The following DHX57 variants were observed in gnomAD, a reference collection of about 807,000 sequenced individuals.
DHX57 encodes the protein DExH-box helicase 57.
A neutral mutation model predicts 156.2 loss-of-function variants in DHX57; 105 were observed. That is an observed-to-expected ratio of 0.67 (90% confidence interval 0.57 to 0.79). The LOEUF is 0.79. Among genes scored for constraint, DHX57 ranks in the 30% least tolerant of loss-of-function variants. The pLI is 0.00. For synonymous variants in DHX57, 704 were observed against 595.6 expected (o/e 1.18, Z -2.65); for missense variants, 1,847 against 1,661.9 (o/e 1.11, Z -1.94).
chr2:38,828,445 A>G lies in DHX57; in HGVS notation c.2543-9T>C, dbSNP rs1671217839. Reference sequence around the variant, plus strand: ...AAATACAAGTATAGCACCTGGGTATATAAAAAGAATCAATATGTGGGTAAG... The same window carrying G: ...AAATACAAGTATAGCACCTGGGTATGTAAAAAGAATCAATATGTGGGTAAG... On this transcript the variant is annotated splice_polypyrimidine_tract_variant and intron_variant, in intron 13 of 23. Transcript: ENST00000457308. 1.9e-6 allele frequency: 3 copies of G among 1,595,246 alleles called. No homozygotes were observed. The highest frequency in any genetic ancestry group is 1.8e-5 in the Admixed American group (1 of 57,034).
In DHX57 at chr2:38,849,432, C is replaced by T. The variant is rs139795837; in HGVS notation, c.2031-1030G>A. Among the ~76,000 whole-genome samples the T allele has an allele frequency of 1.5e-3, 226 of 152,112 alleles. 2 individuals carry two copies. In the East Asian group the frequency reaches 0.018, roughly 12 times the overall value. ...TCGAATGTCAGTCTGATTGTGCTGA[C>T]GGGGTGCGGTGGCTCACACTTGTAA... On this transcript the variant is annotated intron_variant, in intron 9 of 23. Transcript: ENST00000457308.
intron 9 of DHX57, 110 bp downstream of exon 9, chr2:38,853,944 A>C: frequency 2.6e-6 from 3 of 1,143,426 alleles, no homozygotes; most frequent in Non-Finnish European, 3.7e-6. Context: ...TCCTTGTGGC[A>C]AATTACCATT....
In DHX57 at chr2:38,819,749, T is replaced by C. The variant is rs150580045; in HGVS notation, c.3292-605A>G. Among the ~76,000 whole-genome samples, 466 of 152,332 alleles carry C rather than the reference T, an allele frequency of 3.1e-3. 3 individuals carry two copies. The highest frequency in any genetic ancestry group is 0.011 in the African/African-American group (438 of 41,584). On this transcript the variant is annotated intron_variant, in intron 17 of 23. Transcript: ENST00000457308. ...ATATCTAAAACCTAACATTCTGTTATCTGGGTTCTTTATTTTACAGATTCT... is the reference window on the plus strand; with the variant it reads ...ATATCTAAAACCTAACATTCTGTTACCTGGGTTCTTTATTTTACAGATTCT...
chr2:38,798,716 C>A (rs971565435), intron 23 of DHX57, among the ~76,000 whole-genome samples: 3 of 149,180 alleles, frequency 2.0e-5, no homozygotes, highest in Admixed American at 1.3e-4. Flanking sequence ...GAGGCCAAGG[C>A]GGGCGGATCA....
rs189304556 is a variant in DHX57, at chr2:38,817,693, A to T, written c.3471+1184T>A. Reference sequence around the variant, plus strand: ...CTGTCTACATTATACAGAAGATAAGACATTTTTTATTTTTATTTTTTGAGG... The same window carrying T: ...CTGTCTACATTATACAGAAGATAAGTCATTTTTTATTTTTATTTTTTGAGG... On this transcript the variant is annotated intron_variant, in intron 19 of 23. Coordinates refer to ENST00000457308, the MANE Select transcript of DHX57 (RefSeq NM_198963.3). 1.9e-3 allele frequency among the ~76,000 whole-genome samples: 282 copies of T among 151,900 alleles called. 1 individual carries two copies. Among genetic ancestry groups the T allele is most frequent in the Non-Finnish European group, 9.6e-4 (65 of 67,968 alleles).
At chr2:38,811,451 G>C (rs557431194) in intron 21 of DHX57, 4 of 625,506 alleles carry the variant, frequency 6.4e-6, no homozygotes, top group Admixed American at 3.9e-5. Context: ...ACTCCTCCAC[G>C]AACTCCTTGC....
chr2:38,825,915 G>T lies in DHX57; in HGVS notation c.2946C>A (p.Tyr982Ter). 2 of 1,614,174 alleles carry T rather than the reference G, an allele frequency of 1.2e-6. No individual in the cohort carries two copies. The highest frequency in any genetic ancestry group is 1.7e-6 in the Non-Finnish European group (2 of 1,180,020). ...VCFHLFTSHH[Y>*]NHQLLKQQLP... ...GCTGTTGTTTTAAAAGCTGGTGATT[G>T]TAGTGATGGCTAGTGAATAAATGGA... Residue 982 changes from tyrosine (Y) to a stop codon, truncating the protein, a stop_gained, in exon 16 of 24, where the codon TAC becomes TAA. Coordinates refer to ENST00000457308, the MANE Select transcript of DHX57 (RefSeq NM_198963.3). LOFTEE classifies it high-confidence loss of function.
intron 1 of DHX57, among the ~76,000 whole-genome samples, chr2:38,869,074 T>A (rs1253038332): frequency 1.3e-5 from 2 of 152,202 alleles, no homozygotes; most frequent in Non-Finnish European, 2.9e-5. Context: ...AGTGCTTGGA[T>A]TACAGGTGTG....
At chr2:38,834,689 G>A (rs1671563398) in intron 13 of DHX57, among the ~76,000 whole-genome samples, 1 of 152,138 alleles carries the variant, frequency 6.6e-6, no homozygotes, top group African/African-American at 2.4e-5. Context: ...GCAGAGAAAA[G>A]TCATGACATC....
intron 6 of DHX57, among the ~76,000 whole-genome samples, chr2:38,857,301 A>G (rs1031565618): frequency 6.6e-6 from 1 of 152,200 alleles, no homozygotes; most frequent in Non-Finnish European, 1.5e-5. Flanking sequence ...AGCACTCACT[A>G]AAGGGTTATT....
chr2:38,832,044 A>G (rs1671410270), intron 13 of DHX57, among the ~76,000 whole-genome samples: 3 of 152,112 alleles, frequency 2.0e-5, no homozygotes, highest in Admixed American at 6.6e-5. Flanking sequence ...GAAACAAGAT[A>G]TACAGTCCAG....
At chr2:38,807,394 G>A (rs559482512) in intron 21 of DHX57, among the ~76,000 whole-genome samples, 12 of 151,778 alleles carry the variant, frequency 7.9e-5, no homozygotes, top group Non-Finnish European at 1.8e-4. Flanking sequence ...GTCTCCCTCC[G>A]TTGCCCAGGC....
At chr2:38,871,090 A>T (rs991449308) in intron 1 of DHX57, among the ~76,000 whole-genome samples, 1 of 152,214 alleles carries the variant, frequency 6.6e-6, no homozygotes, top group African/African-American at 2.4e-5. Flanking sequence ...TTAAATCTAC[A>T]TGAAAAAACA....
chr2:38,803,788 CTT>C (rs35988170), intron 22 of DHX57, among the ~76,000 whole-genome samples: 4 of 143,794 alleles, frequency 2.8e-5, no homozygotes, highest in Non-Finnish European at 4.5e-5. Context: ...CACACCCAGC[CTT>C]TTTTTTTTTG....
chr2:38,835,892 T>G (rs531399258), intron 13 of DHX57, among the ~76,000 whole-genome samples: 1 of 152,300 alleles, frequency 6.6e-6, no homozygotes, highest in South Asian at 2.1e-4. Context: ...GGGGAGATGG[T>G]GGCAGTGGTG....
chr2:38,871,244 G>C (rs1024289847), intron 1 of DHX57, among the ~76,000 whole-genome samples: 1 of 152,096 alleles, frequency 6.6e-6, no homozygotes, highest in African/African-American at 2.4e-5. Context: ...AAAATAATAT[G>C]TATATGATAT....
intron 8 of DHX57, 68 bp from the exon 9 acceptor site, chr2:38,854,246 C>A: frequency 6.5e-7 from 1 of 1,530,846 alleles, no homozygotes; most frequent in African/African-American, 1.4e-5. Context: ...TACTGGAAAG[C>A]CATTTTGAAT....
intron 22 of DHX57, among the ~76,000 whole-genome samples, chr2:38,804,801 C>T (rs548355912): frequency 1.3e-5 from 2 of 152,326 alleles, no homozygotes; most frequent in African/African-American, 4.8e-5. Context: ...ATGACTTGCT[C>T]TTCATTTAGG....
In DHX57 at chr2:38,861,543, C is replaced by T; in HGVS notation, c.867G>A (p.Lys289=). Reference sequence around the variant, plus strand: ...GTACATTTTTGGTACTTTCTTTTGGCTTGGATTTGCGGAATCTACTTGTCA... The same window carrying T: ...GTACATTTTTGGTACTTTCTTTTGGTTTGGATTTGCGGAATCTACTTGTCA... ...EYLTSRFRKS[K]PKESTKNVQE... The change falls in exon 5 of 24, where the codon AAG becomes AAA. Residue 289 remains lysine (K), a synonymous_variant. Coordinates refer to ENST00000457308, the MANE Select transcript of DHX57 (RefSeq NM_198963.3). The T allele has an allele frequency of 6.2e-7, 1 of 1,614,134 alleles. No homozygotes were observed. Among genetic ancestry groups the T allele is most frequent in the Non-Finnish European group, 8.5e-7 (1 of 1,180,026 alleles).
Sources: allele counts gnomAD v4.1 joint callset (sites outside exome capture counted in the v4.1 genomes callset), GRCh38; gene constraint gnomAD v4.1.1; transcripts MANE v1.5; gene names NCBI Gene and HGNC (gene_info 2026-07-23, HGNC 2026-07-21).